MKLN1: variants seen among roughly 807,000 people sequenced by gnomAD.
The protein encoded by MKLN1 is muskelin.
In MKLN1, 18 loss-of-function variants were observed where a neutral mutation model predicts 99.0. The observed-to-expected ratio is 0.18, with a 90% CI of 0.13 to 0.27. The LOEUF (loss-of-function observed/expected upper bound fraction) is 0.27, where lower values mean the gene tolerates loss of function less well. Ranked by LOEUF, MKLN1 falls within the 10% of genes least tolerant of loss-of-function variation. The pLI is 1.00. For synonymous variants in MKLN1, 288 were observed against 293.2 expected (o/e 0.98, Z 0.18); for missense variants, 621 against 875.9 (o/e 0.71, Z 3.67).
At chr7:131,385,619 AT>A (rs1793990036) in intron 2 of MKLN1, among the ~76,000 whole-genome samples, 2 of 152,188 alleles carry the variant, frequency 1.3e-5, no homozygotes, top group African/African-American at 2.4e-5. Context: ...CTGATGACTA[AT>A]GATGTTAAGC....
At chr7:131,278,163 C>T (rs1019683202) in intron 3 of MKLN1, among the ~76,000 whole-genome samples, 15 of 152,226 alleles carry the variant, frequency 9.9e-5, no homozygotes, top group African/African-American at 3.1e-4. Context: ...CCACCTCAGC[C>T]CCCTGAATAG....
At chr7:131,394,007 G>A (rs1584691658) in intron 4 of MKLN1, among the ~76,000 whole-genome samples, 1 of 151,782 alleles carries the variant, frequency 6.6e-6, no homozygotes, top group African/African-American at 2.4e-5. Context: ...CTATATTCTT[G>A]GTGCTTTTAG....
chr7:131,443,399 A>G (rs1026723192), intron 10 of MKLN1, 82 bp from the exon 11 acceptor site: 1 of 1,017,822 alleles, frequency 9.8e-7, no homozygotes, highest in African/African-American at 1.6e-5. Flanking sequence ...TTGAGAATGT[A>G]AAACTGTACA....
chr7:131,472,205 G>T (rs972734324), intron 16 of MKLN1: 1 of 152,214 alleles, frequency 6.6e-6, no homozygotes, highest in East Asian at 1.9e-4. Context: ...GCATTTGAGA[G>T]TTATGCATAG....
At chr7:131,435,968 CTAT>C (rs1331412511) in intron 9 of MKLN1, among the ~76,000 whole-genome samples, 2 of 151,836 alleles carry the variant, frequency 1.3e-5, no homozygotes, top group Middle Eastern at 3.4e-3. Context: ...GCAAGAAGTT[CTAT>C]TATTCTCTTA....
At chr7:131,222,656 T>A (rs770006674) in intron 3 of MKLN1, among the ~76,000 whole-genome samples, 1 of 152,156 alleles carries the variant, frequency 6.6e-6, no homozygotes, top group Non-Finnish European at 1.5e-5. Context: ...GACATCAGAA[T>A]CTGCCCTTCT....
intron 3 of MKLN1, among the ~76,000 whole-genome samples, chr7:131,320,835 A>G (rs1160691546): frequency 1.3e-5 from 2 of 152,250 alleles, no homozygotes; most frequent in African/African-American, 2.4e-5. Flanking sequence ...AAAATAGCTC[A>G]TCATCAGTGG....
chr7:131,232,971 T>A (rs888057704), intron 3 of MKLN1, among the ~76,000 whole-genome samples: 1 of 151,894 alleles, frequency 6.6e-6, no homozygotes, highest in Admixed American at 6.6e-5. Context: ...CAGCAAATAA[T>A]TGTGGAAGGA....
chr7:131,424,920 G>A (rs564821797), intron 8 of MKLN1, among the ~76,000 whole-genome samples: 154 of 152,270 alleles, frequency 1.0e-3, no homozygotes, highest in Non-Finnish European at 1.6e-3. Context: ...CAAGTTCAAA[G>A]TCTTTATCCT....
At chr7:131,220,180 G>A (rs756651794) in intron 3 of MKLN1, among the ~76,000 whole-genome samples, 3 of 152,194 alleles carry the variant, frequency 2.0e-5, no homozygotes, top group Non-Finnish European at 4.4e-5. Context: ...GATAGTGCCT[G>A]TCTTTCCACT....
intron 3 of MKLN1, among the ~76,000 whole-genome samples, chr7:131,229,827 T>TACAA (rs1481715224): frequency 6.6e-6 from 1 of 152,154 alleles, no homozygotes; most frequent in Non-Finnish European, 1.5e-5. Flanking sequence ...GTGCTAGGAT[T>TACAA]ACAAGCCCAA....
At chr7:131,277,788 C>CTT (rs2116572404) in intron 3 of MKLN1, among the ~76,000 whole-genome samples, 1 of 152,194 alleles carries the variant, frequency 6.6e-6, no homozygotes, top group Non-Finnish European at 1.5e-5. Context: ...GTCTTTTCTT[C>CTT]TTTAAAAGAC....
Position 131,487,502 on chromosome 7 carries a change from C to T in MKLN1, c.2087-105C>T. On this transcript the variant is annotated intron_variant, in intron 17 of 17. Transcript: ENST00000352689. This position sits in a 1 kb window ranked among gnomAD's most constrained non-coding sequence, Gnocchi z 4.7. ...AGTAGTGTCTGCCTGGTTTTGAAGCCTGATTTGATTTCTCCATTATAAAAT... is the reference window on the plus strand; with the variant it reads ...AGTAGTGTCTGCCTGGTTTTGAAGCTTGATTTGATTTCTCCATTATAAAAT... 3.1e-6 allele frequency: 4 copies of T among 1,308,686 alleles called. No individual in the cohort carries two copies. The South Asian group carries it at 5.8e-5, about 19-fold the overall frequency. 81.1% of individuals were successfully genotyped at this position (1,308,686 alleles called of 1,614,324 possible). A position where few individuals can be genotyped will look rare whatever the true frequency, so the allele number is the denominator to read the frequency against.
At chr7:131,342,466 G>A (rs1799436937) in intron 1 of MKLN1, among the ~76,000 whole-genome samples, 2 of 152,012 alleles carry the variant, frequency 1.3e-5, no homozygotes, top group African/African-American at 2.4e-5. Context: ...GTTGAAACTC[G>A]GTGTTTTTTC....
At chr7:131,128,896 ATTTTTTTTTTTTT>A (rs59954758) in intron 1 of MKLN1, among the ~76,000 whole-genome samples, 4 of 120,220 alleles carry the variant, frequency 3.3e-5, no homozygotes. Context: ...CACCTCACCT[ATTTTTTTTTTTTT>A]TTTTTTTTTG....
At chr7:131,270,449 G>C (rs1584880571) in intron 3 of MKLN1, among the ~76,000 whole-genome samples, 1 of 152,314 alleles carries the variant, frequency 6.6e-6, no homozygotes, top group East Asian at 1.9e-4. Context: ...TCGAACTCCT[G>C]ACCTCAGGTC....
intron 2 of MKLN1, among the ~76,000 whole-genome samples, chr7:131,159,024 C>G (rs1270791056): frequency 6.6e-6 from 1 of 151,144 alleles, no homozygotes; most frequent in African/African-American, 2.4e-5. Context: ...AACCTTGTCT[C>G]TACAAAAAAA....
rs542746874 is a variant in MKLN1, at chr7:131,355,127, A to G, written c.99-20297A>G. On this transcript the variant is annotated intron_variant, in intron 1 of 17. Coordinates refer to ENST00000352689, the MANE Select transcript of MKLN1 (RefSeq NM_013255.5). ...GTATTCTGTTCCTGATTGTGTATTCATGTATAAATATCTTGCTGCTTTAAT... is the reference window on the plus strand; with the variant it reads ...GTATTCTGTTCCTGATTGTGTATTCGTGTATAAATATCTTGCTGCTTTAAT... Among the ~76,000 whole-genome samples the G allele has an allele frequency of 2.6e-5, 4 of 152,156 alleles. No individual in the cohort carries two copies. The South Asian group carries it at 8.3e-4, about 32-fold the overall frequency.
At chr7:131,350,189 T>C (rs1200593904) in intron 1 of MKLN1, among the ~76,000 whole-genome samples, 2 of 152,036 alleles carry the variant, frequency 1.3e-5, no homozygotes, top group Non-Finnish European at 2.9e-5. Flanking sequence ...GAAGAGGACA[T>C]TTTATTAGTT....
Sources: gnomAD v4.1 joint callset for allele counts (sites outside exome capture counted in the v4.1 genomes callset) on GRCh38, gnomAD v4.1.1 for gene constraint, Gnocchi (gnomAD v3.1) non-coding constraint, MANE v1.5 for transcripts, NCBI Gene and HGNC (gene_info 2026-07-23, HGNC 2026-07-21) for gene names.